Variants in DDR2 observed in about 807,000 individuals in gnomAD.
The protein encoded by DDR2 is discoidin domain-containing receptor 2.
Under a neutral mutation model 94.9 loss-of-function variants are expected in DDR2, and 27 were observed. The ratio of observed to expected loss-of-function variants is 0.28; its 90% CI spans 0.21 to 0.39. DDR2 has a LOEUF of 0.39. Among genes scored for constraint, DDR2 ranks in the 10% least tolerant of loss-of-function variants. DDR2 has a pLI of 1.00. For missense variants in DDR2, 783 were observed against 1,076.0 expected, an observed-to-expected ratio of 0.73 and a Z score of 3.81; for synonymous variants, 382 against 377.2, an observed-to-expected ratio of 1.01 and a Z score of -0.15.
intron 2 of DDR2, among the ~76,000 whole-genome samples, chr1:162,671,179 AGAG>A (rs1658821693): frequency 6.6e-6 from 1 of 151,870 alleles, no homozygotes; most frequent in Admixed American, 6.6e-5. Context: ...AGTGGTCGGG[AGAG>A]GAGAAGGTCG....
chr1:162,639,303 G>C lies in DDR2; in HGVS notation c.-192+6672G>C, dbSNP rs557273451. Among the ~76,000 whole-genome samples the C allele has an allele frequency of 1.5e-3, 231 of 152,314 alleles. 4 individuals carry two copies. Among genetic ancestry groups the C allele is most frequent in the African/African-American group, 5.2e-3 (216 of 41,572 alleles). On this transcript the variant is annotated intron_variant, in intron 1 of 17. Transcript: ENST00000367921. ...GTGAAAAAATAAACAAATAGATCAA[G>C]AAAACAGAATAGAGAGCCCAGATAG...
upstream of DDR2, among the ~76,000 whole-genome samples, chr1:162,631,182 TTGTGTGTGTGTGTGTG>T (rs58010976): frequency 5.0e-3 from 700 of 140,282 alleles, 3 homozygotes; most frequent in African/African-American, 0.018. Flanking sequence ...GCCACCCTCA[TTGTGTGTGTGTGTGTG>T]TGTGTGTGTG....
At chr1:162,681,058 T>A (rs1292005555) in intron 2 of DDR2, among the ~76,000 whole-genome samples, 1 of 152,174 alleles carries the variant, frequency 6.6e-6, no homozygotes, top group East Asian at 1.9e-4. Context: ...AAGATCCAGA[T>A]TGAAACCAGA....
intron 2 of DDR2, among the ~76,000 whole-genome samples, chr1:162,714,639 A>G (rs1213874610): frequency 6.6e-6 from 1 of 152,182 alleles, no homozygotes; most frequent in African/African-American, 2.4e-5. Context: ...CACCTTACCT[A>G]GAACAGCTCT....
At chr1:162,723,861 C>T (rs754863069) in intron 3 of DDR2, among the ~76,000 whole-genome samples, 2 of 152,128 alleles carry the variant, frequency 1.3e-5, no homozygotes, top group African/African-American at 4.8e-5. Context: ...TGGGAGTCCC[C>T]CTTTGGTATC....
At chr1:162,688,611 T>C (rs1412210652) in intron 2 of DDR2, among the ~76,000 whole-genome samples, 1 of 152,244 alleles carries the variant, frequency 6.6e-6, no homozygotes, top group East Asian at 1.9e-4. Context: ...AGAACATTTA[T>C]ACATGTCTCT....
chr1:162,732,027 G>T (rs1236874734), intron 3 of DDR2, among the ~76,000 whole-genome samples: 1 of 152,186 alleles, frequency 6.6e-6, no homozygotes, highest in African/African-American at 2.4e-5. Context: ...CCAGGAAGAA[G>T]AATTCATTAT....
chr1:162,687,205 C>T (rs1659727717), intron 2 of DDR2, among the ~76,000 whole-genome samples: 1 of 152,192 alleles, frequency 6.6e-6, no homozygotes, highest in Non-Finnish European at 1.5e-5. Context: ...TAAAGGTGGC[C>T]TGGATGTGGT....
At chr1:162,644,639 C>A (rs923607205) in intron 1 of DDR2, among the ~76,000 whole-genome samples, 1 of 151,782 alleles carries the variant, frequency 6.6e-6, no homozygotes, top group African/African-American at 2.4e-5. Context: ...CGCTCTGTTG[C>A]CCAGGCTGGA....
chr1:162,750,562 A>C (rs1663136445), intron 3 of DDR2, among the ~76,000 whole-genome samples: 1 of 152,222 alleles, frequency 6.6e-6, no homozygotes, highest in African/African-American at 2.4e-5. Context: ...GGAAATGGCC[A>C]TACTGCCCAA....
intron 2 of DDR2, among the ~76,000 whole-genome samples, chr1:162,683,094 CAT>C (rs555047367): frequency 1.7e-3 from 264 of 152,152 alleles, no homozygotes; most frequent in Admixed American, 0.014. Context: ...ATTTTAAAAT[CAT>C]GTGATTATAT....
chr1:162,641,227 C>A (rs767054116), intron 1 of DDR2, among the ~76,000 whole-genome samples: 1 of 152,210 alleles, frequency 6.6e-6, no homozygotes, highest in Non-Finnish European at 1.5e-5. Context: ...GGGCAATATA[C>A]AATTTCTGTA....
intron 2 of DDR2, among the ~76,000 whole-genome samples, chr1:162,709,525 T>A (rs1660803427): frequency 6.6e-6 from 1 of 152,164 alleles, no homozygotes. Flanking sequence ...AGCTTTCAGG[T>A]CCCTTCAGGT....
chr1:162,662,687 A>G (rs1013717023), intron 2 of DDR2, among the ~76,000 whole-genome samples: 2 of 152,180 alleles, frequency 1.3e-5, no homozygotes, highest in Non-Finnish European at 2.9e-5. Context: ...TGAAGGTGAT[A>G]AAAACATGCC....
At chr1:162,718,295 C>T (rs1426081484) in intron 2 of DDR2, among the ~76,000 whole-genome samples, 2 of 152,112 alleles carry the variant, frequency 1.3e-5, no homozygotes, top group East Asian at 3.9e-4. Flanking sequence ...CTGAGGAATC[C>T]TGTCTCCTTT....
In DDR2 at chr1:162,661,690, C is replaced by T. The variant is rs73018571; in HGVS notation, c.-28+6316C>T. 8.1e-3 allele frequency among the ~76,000 whole-genome samples: 1,234 copies of T among 152,212 alleles called. 25 individuals carry two copies. Among genetic ancestry groups the T allele is most frequent in the African/African-American group, 0.028 (1,156 of 41,522 alleles). On this transcript the variant is annotated intron_variant, in intron 2 of 17. Transcript: ENST00000367921. ...GTTGTAGGAGGAGGGAGGTGGGACC[C>T]GTGTAATCACTGGAGGATGTGGGCA... is the stretch of plus-strand genomic sequence containing the variant.
chr1:162,694,701 A>T (rs908871888), intron 2 of DDR2, among the ~76,000 whole-genome samples: 1 of 152,146 alleles, frequency 6.6e-6, no homozygotes, highest in Admixed American at 6.5e-5. Flanking sequence ...AATAAATATT[A>T]AAAAAAGAAT....
intron 3 of DDR2, among the ~76,000 whole-genome samples, chr1:162,743,868 C>T (rs765532028): frequency 6.6e-6 from 1 of 152,180 alleles, no homozygotes; most frequent in Non-Finnish European, 1.5e-5. Context: ...ATTCCTCTGG[C>T]CGCTCCTCCT....
At chr1:162,708,038 G>A (rs1345531116) in intron 2 of DDR2, among the ~76,000 whole-genome samples, 1 of 152,218 alleles carries the variant, frequency 6.6e-6, no homozygotes, top group Non-Finnish European at 1.5e-5. Context: ...CCTGGGAGGA[G>A]AAATCCTTTC....
Sources: allele counts gnomAD v4.1 joint callset (sites outside exome capture counted in the v4.1 genomes callset), GRCh38; gene constraint gnomAD v4.1.1; transcripts MANE v1.5; gene names NCBI Gene and HGNC (gene_info 2026-07-23, HGNC 2026-07-21).